MYRIP: variants seen among roughly 807,000 people sequenced by gnomAD.
The protein encoded by MYRIP is myosin VIIA and Rab interacting protein.
In MYRIP, 49 loss-of-function variants were observed where a neutral mutation model predicts 98.0. The observed-to-expected ratio is 0.50, with a 90% CI of 0.40 to 0.63. The LOEUF is 0.63. Among genes scored for constraint, MYRIP ranks in the 30% least tolerant of loss-of-function variants. The probability of loss-of-function intolerance (pLI) is 0.00; values close to 1 mark genes in which losing one functional copy is unlikely to be tolerated. For missense variants in MYRIP, 1,004 were observed against 1,058.2 expected (o/e 0.95, Z 0.71); for synonymous variants, 404 against 409.5 (o/e 0.99, Z 0.16).
At chr3:40,045,644 G>A (rs912601339) in intron 3 of MYRIP, among the ~76,000 whole-genome samples, 18 of 152,214 alleles carry the variant, frequency 1.2e-4, no homozygotes, top group Non-Finnish European at 2.4e-4. Flanking sequence ...ACAGTTGGAT[G>A]TTGGAAGAAA....
intron 3 of MYRIP, among the ~76,000 whole-genome samples, chr3:40,045,224 T>C (rs1575492450): frequency 1.3e-5 from 2 of 152,110 alleles, no homozygotes; most frequent in African/African-American, 4.8e-5. Context: ...CCCATAGAGC[T>C]AGTTAATGGG....
At chr3:40,058,954 C>A (rs563474820) in intron 3 of MYRIP, among the ~76,000 whole-genome samples, 36 of 142,480 alleles carry the variant, frequency 2.5e-4, no homozygotes, top group African/African-American at 8.7e-4. Context: ...CCCCAACAGG[C>A]CCCGGTGTGT....
At chr3:39,875,831 GA>G (rs2125636586) in intron 1 of MYRIP, among the ~76,000 whole-genome samples, 1 of 152,060 alleles carries the variant, frequency 6.6e-6, no homozygotes, top group Non-Finnish European at 1.5e-5. Context: ...ATTTGGGGTG[GA>G]GAGTTCTGTA....
intron 5 of MYRIP, 65 bp from the exon 6 acceptor site, chr3:40,166,781 G>A (rs1559430360): frequency 9.0e-7 from 1 of 1,116,484 alleles, no homozygotes; most frequent in Non-Finnish European, 1.4e-6. Flanking sequence ...AAGCAGAAGA[G>A]CTTGAACAAT....
Position 40,162,832 on chromosome 3 carries a change from C to T in MYRIP, c.550+22C>T, listed in dbSNP as rs1386969132. ...GAAGGTAAAGTTGCTTAAGAGTTTA[C>T]AGCTACTGGGAAGTTGGAGTAATAG... On this transcript the variant is annotated intron_variant, in intron 5 of 16. Transcript: ENST00000302541. 5 of 1,605,424 alleles carry T rather than the reference C, an allele frequency of 3.1e-6. No homozygotes were observed. In the South Asian group the frequency reaches 4.4e-5, roughly 14 times the overall value.
chr3:40,091,625 G>A (rs1948739078), intron 3 of MYRIP, among the ~76,000 whole-genome samples: 1 of 152,180 alleles, frequency 6.6e-6, no homozygotes, highest in Non-Finnish European at 1.5e-5. Context: ...GACACTTGCT[G>A]AGTATATTCT....
intron 2 of MYRIP, among the ~76,000 whole-genome samples, chr3:40,013,705 T>TA (rs1399109900): frequency 2.0e-5 from 3 of 152,202 alleles, no homozygotes; most frequent in Non-Finnish European, 2.9e-5. Flanking sequence ...GGTTTCCTGA[T>TA]ACGTAAAATG....
At chr3:40,156,617 A>G (rs1174648970) in intron 4 of MYRIP, among the ~76,000 whole-genome samples, 8 of 151,294 alleles carry the variant, frequency 5.3e-5, no homozygotes, top group Admixed American at 4.6e-4. Flanking sequence ...GATTCTTCCT[A>G]CCCATGAGCA....
At chr3:39,858,990 A>G (rs1409582264) in intron 1 of MYRIP, among the ~76,000 whole-genome samples, 1 of 152,084 alleles carries the variant, frequency 6.6e-6, no homozygotes, top group African/African-American at 2.4e-5. Context: ...TACAGAAAGA[A>G]TAATAAGCTA....
chr3:39,830,516 A>G (rs1218443674), intron 1 of MYRIP, among the ~76,000 whole-genome samples: 1 of 152,148 alleles, frequency 6.6e-6, no homozygotes, highest in African/African-American at 2.4e-5. Flanking sequence ...TCTCACTGAG[A>G]AAACCAAAGC....
chr3:40,076,014 G>C (rs1007635141), intron 3 of MYRIP, among the ~76,000 whole-genome samples: 3 of 151,884 alleles, frequency 2.0e-5, no homozygotes, highest in Non-Finnish European at 4.4e-5. Flanking sequence ...TGGCCAACGT[G>C]GTAAAACCTC....
At chr3:39,960,853 C>G (rs367980732) in intron 2 of MYRIP, among the ~76,000 whole-genome samples, 114 of 152,238 alleles carry the variant, frequency 7.5e-4, no homozygotes, top group African/African-American at 2.7e-3. Flanking sequence ...TCTTGGGGAC[C>G]AAGTTGTACA....
At position 39,897,826 on chromosome 3, in the gene MYRIP, C is replaced by CT. The variant is rs66846258; in HGVS notation, c.-30-2942dup. Among the ~76,000 whole-genome samples, 1,309 of 134,092 alleles carry CT rather than the reference C, an allele frequency of 9.8e-3. 11 individuals carry two copies. Among genetic ancestry groups the CT allele is most frequent in the Admixed American group, 0.026 (350 of 13,444 alleles). 88.0% of individuals were successfully genotyped at this position (134,092 alleles called of 152,430 possible). ...TTTCTTTACAAAAACAAGTCCTGATCTTTTTTTTTTTTTTTTTTTAGGTTT... is the reference window on the plus strand; with the variant it reads ...TTTCTTTACAAAAACAAGTCCTGATCTTTTTTTTTTTTTTTTTTTTAGGTTT... On this transcript the variant is annotated intron_variant, in intron 1 of 16. Coordinates refer to ENST00000302541, the MANE Select transcript of MYRIP (RefSeq NM_015460.4).
intron 3 of MYRIP, among the ~76,000 whole-genome samples, chr3:40,102,360 A>G (rs543208732): frequency 4.6e-4 from 70 of 152,290 alleles, no homozygotes; most frequent in African/African-American, 1.6e-3. Context: ...TGGGGCTCTG[A>G]TATATGAATC....
intron 2 of MYRIP, among the ~76,000 whole-genome samples, chr3:39,994,420 C>A (rs1177179228): frequency 6.6e-6 from 1 of 152,242 alleles, no homozygotes; most frequent in African/African-American, 2.4e-5. Context: ...GGGTCCTATG[C>A]CCACGGAGCC....
chr3:40,212,235 C>CGT lies in MYRIP; in HGVS notation c.1905+2142_1905+2143insGT, dbSNP rs1559456853. On this transcript the variant is annotated intron_variant, in intron 11 of 16. Coordinates refer to ENST00000302541, the MANE Select transcript of MYRIP (RefSeq NM_015460.4). Reference sequence around the variant, plus strand: ...GTGTATATATATATATACACACACACACACACACACATATATATATATACA... The same window carrying CGT: ...GTGTATATATATATATACACACACACGTACACACACACATATATATATATACA... Among the ~76,000 whole-genome samples the CGT allele has an allele frequency of 1.4e-3, 65 of 45,792 alleles. 23 individuals carry two copies. The highest frequency in any genetic ancestry group is 3.7e-3 in the Non-Finnish European group (53 of 14,498). 30.0% of individuals were successfully genotyped at this position (45,792 alleles called of 152,430 possible). A position where few individuals can be genotyped will look rare whatever the true frequency, so the allele number is the denominator to read the frequency against.
intron 4 of MYRIP, among the ~76,000 whole-genome samples, chr3:40,157,870 T>C (rs1467664494): frequency 1.3e-5 from 2 of 152,142 alleles, no homozygotes; most frequent in Admixed American, 6.5e-5. Context: ...ATTGCGTCTA[T>C]TTGATTCTTC....
At chr3:40,190,997 GA>G (rs1951193570) in intron 10 of MYRIP, among the ~76,000 whole-genome samples, 1 of 152,194 alleles carries the variant, frequency 6.6e-6, no homozygotes. Flanking sequence ...ACAAGTGAAA[GA>G]GATGTTTATA....
intron 2 of MYRIP, among the ~76,000 whole-genome samples, chr3:39,943,393 A>G (rs1413517024): frequency 2.0e-5 from 3 of 152,090 alleles, no homozygotes; most frequent in Non-Finnish European, 4.4e-5. Context: ...AGTGGTCCTG[A>G]TTTTAGAGCA....
Sources: gnomAD v4.1 joint callset for allele counts (sites outside exome capture counted in the v4.1 genomes callset) on GRCh38, gnomAD v4.1.1 for gene constraint, MANE v1.5 for transcripts, NCBI Gene and HGNC (gene_info 2026-07-23, HGNC 2026-07-21) for gene names.